The following CSMD3 variants were observed in gnomAD, a reference collection of about 807,000 sequenced individuals.
The protein encoded by CSMD3 is CUB and Sushi multiple domains 3.
CSMD3 carries 177 observed loss-of-function variants against 435.2 expected under a neutral mutation model. That is an observed-to-expected ratio of 0.41 (90% CI 0.36 to 0.46). The LOEUF is 0.46. Among genes scored for constraint, CSMD3 ranks in the 20% least tolerant of loss-of-function variants. The probability of loss-of-function intolerance (pLI) is 0.34; values close to 1 mark genes in which losing one functional copy is unlikely to be tolerated. For missense variants in CSMD3, 4,265 were observed against 4,504.6 expected (o/e 0.95, Z 1.52); for synonymous variants, 1,656 against 1,520.5 (o/e 1.09, Z -2.07).
chr8:113,074,206 G>A (rs1250806770), intron 5 of CSMD3, among the ~76,000 whole-genome samples: 1 of 150,986 alleles, frequency 6.6e-6, no homozygotes, highest in African/African-American at 2.4e-5. Context: ...CTTGCTTTCT[G>A]TTGATCTGTC....
rs571588228 is a variant in CSMD3 at position 112,623,837 on chromosome 8, A to T, written c.3715+12980T>A. 2.0e-5 allele frequency among the ~76,000 whole-genome samples: 3 copies of T among 152,150 alleles called. No individual in the cohort carries two copies. In the East Asian group the frequency reaches 5.8e-4, roughly 29 times the overall value. The stretch of plus-strand genomic sequence containing the variant: ...AGTTCATCTTTTCTATATCACCATC[A>T]CCTAGCACAGCATGACAGTTTGTTA... On this transcript the variant is annotated intron_variant, in intron 22 of 70. Transcript: ENST00000297405.
intron 4 of CSMD3, 81 bp from the exon 5 acceptor site, chr8:113,099,044 T>G: frequency 1.1e-6 from 1 of 889,298 alleles, no homozygotes; most frequent in Non-Finnish European, 1.9e-6. Context: ...CAAGTCAATA[T>G]GTTTGGATAA....
At chr8:113,403,580 G>A (rs1257491087) in intron 1 of CSMD3, among the ~76,000 whole-genome samples, 1 of 151,280 alleles carries the variant, frequency 6.6e-6, no homozygotes, top group Admixed American at 6.6e-5. Context: ...CAGTAATAAA[G>A]CATGATTGCT....
chr8:112,690,706 A>C (rs2076116639), intron 13 of CSMD3, among the ~76,000 whole-genome samples: 1 of 152,008 alleles, frequency 6.6e-6, no homozygotes, highest in South Asian at 2.1e-4. Context: ...GATTGAAAAA[A>C]ATATTTTAAC....
chr8:112,479,875 A>G (rs1402135568), intron 31 of CSMD3, among the ~76,000 whole-genome samples: 2 of 152,204 alleles, frequency 1.3e-5, no homozygotes, highest in African/African-American at 4.8e-5. Context: ...TAGAACCCAC[A>G]CAAAGTCCCC....
At chr8:112,346,343 T>A (rs1825667149) in intron 40 of CSMD3, 130 bp from the exon 41 acceptor site, 1 of 709,730 alleles carries the variant, frequency 1.4e-6, no homozygotes, top group South Asian at 1.5e-5. Flanking sequence ...ATATTGTCTG[T>A]TCACTCACTA....
chr8:113,153,135 G>A (rs1386191486), intron 4 of CSMD3, among the ~76,000 whole-genome samples: 15 of 99,972 alleles, frequency 1.5e-4, no homozygotes, highest in African/African-American at 7.7e-4. Flanking sequence ...GAGAAAGAAG[G>A]AAGGAAGGAA....
At chr8:112,862,543 A>G (rs1271277754) in intron 10 of CSMD3, among the ~76,000 whole-genome samples, 1 of 152,042 alleles carries the variant, frequency 6.6e-6, no homozygotes, top group Non-Finnish European at 1.5e-5. Flanking sequence ...CTGCTATTTG[A>G]ACAGAGTTGC....
chr8:113,018,216 A>C (rs984602531), intron 6 of CSMD3, among the ~76,000 whole-genome samples: 2 of 152,204 alleles, frequency 1.3e-5, no homozygotes, highest in African/African-American at 4.8e-5. Flanking sequence ...GGTTTTCAAA[A>C]TACAAATTAA....
At chr8:112,736,456 A>G (rs1323467852) in intron 13 of CSMD3, among the ~76,000 whole-genome samples, 2 of 152,006 alleles carry the variant, frequency 1.3e-5, no homozygotes, top group Non-Finnish European at 2.9e-5. Flanking sequence ...TTAGGATACC[A>G]CATTCTCTTC....
At chr8:113,180,957 C>T (rs531348514) in intron 3 of CSMD3, among the ~76,000 whole-genome samples, 40 of 152,142 alleles carry the variant, frequency 2.6e-4, no homozygotes, top group Non-Finnish European at 5.0e-4. Flanking sequence ...TTTTGGAAGT[C>T]ATCCTGAAAC....
At chr8:112,993,321 G>T (rs911551567) in intron 6 of CSMD3, among the ~76,000 whole-genome samples, 1 of 151,624 alleles carries the variant, frequency 6.6e-6, no homozygotes. Flanking sequence ...CCTTTAAGCT[G>T]GAAAAGTATA....
intron 2 of CSMD3, among the ~76,000 whole-genome samples, chr8:113,282,331 G>C (rs1042681801): frequency 2.0e-5 from 3 of 151,806 alleles, no homozygotes; most frequent in Admixed American, 2.0e-4. Flanking sequence ...AAAACCCTAA[G>C]GACTCCTCCA....
chr8:113,178,496 T>C (rs1207307202), intron 3 of CSMD3, among the ~76,000 whole-genome samples: 1 of 151,902 alleles, frequency 6.6e-6, no homozygotes, highest in East Asian at 1.9e-4. Context: ...CTACCAAAAG[T>C]AATAAATGAG....
chr8:113,289,280 T>C (rs2093667741), intron 2 of CSMD3, among the ~76,000 whole-genome samples: 1 of 151,848 alleles, frequency 6.6e-6, no homozygotes, highest in Non-Finnish European at 1.5e-5. Context: ...CTCAGAGTTT[T>C]CTTCTTGACG....
chr8:112,684,778 C>G (rs11993017), intron 15 of CSMD3, among the ~76,000 whole-genome samples: 1 of 152,050 alleles, frequency 6.6e-6, no homozygotes, highest in Non-Finnish European at 1.5e-5. Flanking sequence ...GTTTATTAAG[C>G]TTTTACTAAG....
At chr8:113,315,939 G>A (rs774999360) in intron 1 of CSMD3, among the ~76,000 whole-genome samples, 4 of 151,766 alleles carry the variant, frequency 2.6e-5, no homozygotes, top group Non-Finnish European at 4.4e-5. Context: ...GGCTGCTCTC[G>A]AACTCCTGAC....
At chr8:113,098,033 A>C (rs1486785266) in intron 5 of CSMD3, among the ~76,000 whole-genome samples, 1 of 151,970 alleles carries the variant, frequency 6.6e-6, no homozygotes, top group African/African-American at 2.4e-5. Flanking sequence ...TCTTCAAATC[A>C]ATCTCTTCAT....
At chr8:112,843,525 G>C (rs1348024418) in intron 11 of CSMD3, among the ~76,000 whole-genome samples, 1 of 151,890 alleles carries the variant, frequency 6.6e-6, no homozygotes, top group East Asian at 1.9e-4. Context: ...AGAATCTTGA[G>C]ATGAAAAGTT....
Sources: allele counts gnomAD v4.1 joint callset (sites outside exome capture counted in the v4.1 genomes callset), GRCh38; gene constraint gnomAD v4.1.1; transcripts MANE v1.5; gene names NCBI Gene and HGNC (gene_info 2026-07-23, HGNC 2026-07-21).